GMPS: variants seen among roughly 807,000 people sequenced by gnomAD.
The protein encoded by GMPS is guanosine monophosphate synthase.
In GMPS, 15 loss-of-function variants were observed where a neutral mutation model predicts 77.9. That is an observed-to-expected ratio of 0.19 (90% CI 0.13 to 0.30). The LOEUF (loss-of-function observed/expected upper bound fraction) is 0.30. Ranked by LOEUF, GMPS falls within the 10% of genes least tolerant of loss-of-function variation. The probability of loss-of-function intolerance (pLI) is 1.00; values close to 1 mark genes in which losing one functional copy is unlikely to be tolerated. For synonymous variants in GMPS, 224 were observed against 275.9 expected (o/e 0.81, Z 1.86); for missense variants, 590 against 838.8 (o/e 0.70, Z 3.66).
chr3:155,893,882 A>T (rs1436868828), intron 2 of GMPS, among the ~76,000 whole-genome samples, 183 bp downstream of exon 2: 1 of 152,246 alleles, frequency 6.6e-6, no homozygotes, highest in East Asian at 1.9e-4. Context: ...GTTTAAAAAG[A>T]TTAATTTTAA....
At chr3:155,883,676 T>C (rs1171476190) in intron 1 of GMPS, among the ~76,000 whole-genome samples, 3 of 152,170 alleles carry the variant, frequency 2.0e-5, no homozygotes, top group Non-Finnish European at 4.4e-5. Context: ...AAACAGGCTA[T>C]ACATGTGCAC....
Position 155,914,474 on chromosome 3 carries a change from T to G in GMPS, c.942T>G (p.Asp314Glu), listed in dbSNP as rs749291954. 1.2e-6 allele frequency: 2 copies of G among 1,603,400 alleles called. No homozygotes were observed. Among genetic ancestry groups the G allele is most frequent in the Admixed American group, 1.7e-5 (1 of 58,150 alleles). The change falls in exon 8 of 16, where the codon GAT becomes GAG. Residue 314 changes from aspartate to glutamate, a missense_variant. Around this residue, in one of 6 missense-constraint regions of GMPS, gnomAD observed 181 missense variants for 186.8 expected, o/e 0.97. Coordinates refer to ENST00000496455, the MANE Select transcript of GMPS (RefSeq NM_003875.3). ...YNGTTTLPIS[D>E]EDRTPRKRIS... The stretch of plus-strand genomic sequence containing the variant: ...GAACAACAACCCTACCAATATCAGA[T>G]GAAGATAGAACCCCACGGAAAAGAA...
chr3:155,917,008 T>C (rs1445636563), intron 9 of GMPS, among the ~76,000 whole-genome samples: 1 of 150,848 alleles, frequency 6.6e-6, no homozygotes, highest in East Asian at 2.0e-4. Flanking sequence ...AGAGTCTCAC[T>C]CTATTGCCCA....
intron 12 of GMPS, among the ~76,000 whole-genome samples, chr3:155,930,788 G>T (rs1755594278): frequency 6.6e-6 from 1 of 152,056 alleles, no homozygotes; most frequent in South Asian, 2.1e-4. Flanking sequence ...AAAAACACAG[G>T]CAGATCTTGT....
At chr3:155,877,815 T>G (rs62286798) in intron 1 of GMPS, among the ~76,000 whole-genome samples, 1 of 115,208 alleles carries the variant, frequency 8.7e-6, no homozygotes, top group Non-Finnish European at 1.9e-5. Context: ...TTTTTTTTTT[T>G]GAGACAGAGT....
At chr3:155,916,977 ATTT>A (rs35954197) in intron 9 of GMPS, among the ~76,000 whole-genome samples, 1 of 144,082 alleles carries the variant, frequency 6.9e-6, no homozygotes. Flanking sequence ...CTTAACTCTG[ATTT>A]TTTTTTTTTT....
intron 5 of GMPS, among the ~76,000 whole-genome samples, chr3:155,909,959 A>T (rs1367006726): frequency 1.3e-5 from 2 of 151,568 alleles, no homozygotes; most frequent in Non-Finnish European, 2.9e-5. Context: ...AATAAAATAA[A>T]ATAGGCCGGG....
At chr3:155,876,678 A>G (rs1266293904) in intron 1 of GMPS, among the ~76,000 whole-genome samples, 1 of 152,200 alleles carries the variant, frequency 6.6e-6, no homozygotes, top group Non-Finnish European at 1.5e-5. Context: ...TTTATAGAGC[A>G]CATATTGTTC....
rs760564246 is a variant in GMPS, at chr3:155,936,317, TC to T, written c.1808-20del. 1.9e-6 allele frequency: 3 copies of T among 1,551,048 alleles called. No individual in the cohort carries two copies. The highest frequency in any genetic ancestry group is 2.7e-6 in the Non-Finnish European group (3 of 1,124,260). The stretch of plus-strand genomic sequence containing the variant: ...GCTTTTCTATGGTGTGGTGATTGGT[TC>T]TACATATACCTTTCTCTAGGGTATG... On this transcript the variant is annotated intron_variant, in intron 14 of 15. Coordinates refer to ENST00000496455, the MANE Select transcript of GMPS (RefSeq NM_003875.3).
rs772023407 is a variant in GMPS at position 155,925,309 on chromosome 3, T to G, written c.1503T>G (p.Ile501Met). 2.5e-6 allele frequency: 4 copies of G among 1,611,124 alleles called. No individual in the cohort carries two copies. The highest frequency in any genetic ancestry group is 2.5e-6 in the Non-Finnish European group (3 of 1,177,356). ...AGGATCAGGAGAAGCTGATGCAAAT[T>G]ACCAGTCTGCATTCACTGAATGCCT... Reference protein sequence around the residue: ...TEEDQEKLMQITSLHSLNAFL... With the variant: ...TEEDQEKLMQMTSLHSLNAFL... The change falls in exon 12 of 16, where the codon ATT becomes ATG. Residue 501 changes from isoleucine (I) to methionine (M), a missense_variant. Around this residue, in one of 6 missense-constraint regions of GMPS, gnomAD observed 89 missense variants for 95.9 expected, o/e 0.93. Coordinates refer to ENST00000496455, the MANE Select transcript of GMPS (RefSeq NM_003875.3).
intron 12 of GMPS, among the ~76,000 whole-genome samples, chr3:155,927,014 T>TA (rs199726862): frequency 0.14 from 20,169 of 142,910 alleles, 1,437 homozygotes; most frequent in South Asian, 0.27. Flanking sequence ...AACTCCTTCT[T>TA]AAAAAAAAAA....
chr3:155,906,338 G>T, intron 5 of GMPS, 75 bp downstream of exon 5: 3 of 729,690 alleles, frequency 4.1e-6, no homozygotes, highest in Admixed American at 2.5e-5. Flanking sequence ...TTCTGTATGA[G>T]GTACTCTTTG....
At position 155,914,453 on chromosome 3, in the gene GMPS, A is replaced by C. The variant is rs1755119389; in HGVS notation, c.921A>C (p.Thr307=). The C allele has an allele frequency of 6.3e-7, 1 of 1,590,908 alleles. No homozygotes were observed. Among genetic ancestry groups the C allele is most frequent in the Non-Finnish European group, 8.5e-7 (1 of 1,172,426 alleles). The change falls in exon 8 of 16, where the codon ACA becomes ACC. Residue 307 remains threonine, a synonymous_variant. Coordinates refer to ENST00000496455, the MANE Select transcript of GMPS (RefSeq NM_003875.3). ...INAAHSFYNG[T]TTLPISDEDR... The stretch of plus-strand genomic sequence containing the variant: ...CTGCTCATTCTTTCTACAATGGAAC[A>C]ACAACCCTACCAATATCAGATGAAG...
At chr3:155,891,663 A>G (rs1191662022) in intron 1 of GMPS, among the ~76,000 whole-genome samples, 9 of 149,810 alleles carry the variant, frequency 6.0e-5, no homozygotes, top group Admixed American at 4.0e-4. Context: ...CTGAAGTGCA[A>G]TGGCGTGATC....
Position 155,898,011 on chromosome 3 carries a change from G to A in GMPS, c.294G>A (p.Lys98=). 1 of 1,608,132 alleles carries A rather than the reference G, an allele frequency of 6.2e-7. No individual in the cohort carries two copies. The highest frequency in any genetic ancestry group is 8.5e-7 in the Non-Finnish European group (1 of 1,174,642). The change falls in exon 3 of 16, where the codon AAG becomes AAA. Residue 98 remains lysine (K), a synonymous_variant. Transcript: ENST00000496455. ...WFDPAIFTIG[K]PVLGICYGMQ... is the part of the protein sequence containing the mutation. Reference sequence around the variant, plus strand: ...ATCCAGCAATATTCACTATTGGCAAGCCTGTTCTTGGAATTTGCTATGGTA... The same window carrying A: ...ATCCAGCAATATTCACTATTGGCAAACCTGTTCTTGGAATTTGCTATGGTA...
At chr3:155,926,608 TTC>T (rs144380415) in intron 12 of GMPS, among the ~76,000 whole-genome samples, 5,911 of 152,154 alleles carry the variant, frequency 0.039, 420 homozygotes, top group African/African-American at 0.14. Flanking sequence ...AAAAAAGAAA[TTC>T]TGTTTCAGAG....
chr3:155,912,647 G>A (rs1449264573), intron 7 of GMPS, among the ~76,000 whole-genome samples: 1 of 152,200 alleles, frequency 6.6e-6, no homozygotes, highest in African/African-American at 2.4e-5. Context: ...AGCCATCCCA[G>A]TATAACTTAA....
chr3:155,927,415 CTCT>C (rs150922240), intron 12 of GMPS, among the ~76,000 whole-genome samples: 2,688 of 152,304 alleles, frequency 0.018, 74 homozygotes, highest in African/African-American at 0.061. Context: ...TAGTTCCCCA[CTCT>C]TCTTTTTAGA....
chr3:155,909,386 A>G (rs1384317580), intron 5 of GMPS, among the ~76,000 whole-genome samples: 5 of 152,202 alleles, frequency 3.3e-5, no homozygotes, highest in Non-Finnish European at 7.4e-5. Context: ...TAGCTGTACA[A>G]TGCATTTGAA....
Sources: allele counts gnomAD v4.1 joint callset (sites outside exome capture counted in the v4.1 genomes callset), GRCh38; gene constraint gnomAD v4.1.1; regional missense constraint gnomAD v4.1.1; transcripts MANE v1.5; gene names NCBI Gene and HGNC (gene_info 2026-07-23, HGNC 2026-07-21).